Variants in GAS5 observed in about 807,000 individuals in gnomAD.
GAS5 encodes growth arrest specific 5.
chr1:173,867,780 C>CT (rs769940377), upstream of GAS5: 9 of 519,054 alleles, frequency 1.7e-5, no homozygotes, highest in African/African-American at 5.8e-5. Context: ...CAGTTCTACT[C>CT]TAACATAGTC....
At chr1:173,868,101 C>T (rs1260611001), upstream of GAS5, 1 of 167,540 alleles carries the variant, frequency 6.0e-6, no homozygotes, top group Admixed American at 6.1e-5. Context: ...CAATCTTCCT[C>T]TCATCCAGTA....
intron 6 of GAS5, chr1:173,865,344 C>CA (rs1372606502): frequency 1.8e-5 from 9 of 503,682 alleles, no homozygotes; most frequent in Non-Finnish European, 3.6e-5. Flanking sequence ...AAAGATTTCC[C>CA]AACTACTGTT....
intron 3 of GAS5, chr1:173,866,221 C>T (rs1654587126): frequency 2.1e-6 from 1 of 483,324 alleles, no homozygotes; most frequent in African/African-American, 2.0e-5. Flanking sequence ...AATTTTAATA[C>T]AAAATTGTCA....
At chr1:173,864,069 C>T (rs1157777642) in intron 7 of GAS5, 1 of 458,222 alleles carries the variant, frequency 2.2e-6, no homozygotes, top group East Asian at 6.1e-5. Context: ...TTGGGTGAGG[C>T]AAGACCCTGT....
intron 6 of GAS5, chr1:173,864,846 C>G (rs546444343): frequency 1.9e-6 from 1 of 519,128 alleles, no homozygotes; most frequent in African/African-American, 1.9e-5. Flanking sequence ...CAGATAGGAG[C>G]GAAAGACTTA....
exon 6 of GAS5, chr1:173,865,520 C>G (rs1414746126): frequency 2.0e-6 from 1 of 511,418 alleles, no homozygotes; most frequent in Non-Finnish European, 3.9e-6. Context: ...CCAAGCAAGT[C>G]ATCCATGGAT....
chr1:173,866,830 G>T (rs868483738), intron 1 of GAS5: 1 of 765,446 alleles, frequency 1.3e-6, no homozygotes, highest in South Asian at 1.3e-5. Flanking sequence ...AAAACAGTGA[G>T]AATGAACCTC....
chr1:173,867,464 G>A (rs1951625), upstream of GAS5: 95,665 of 358,260 alleles, frequency 0.27, 14,607 homozygotes, highest in African/African-American at 0.5. Flanking sequence ...ATTAACCGAT[G>A]TCGAGCCACT....
At chr1:173,867,808 T>A (rs1438531533), upstream of GAS5, 5 of 517,698 alleles carry the variant, frequency 9.7e-6, no homozygotes, top group Non-Finnish European at 1.9e-5. Context: ...AGGTCACGCA[T>A]GCACCATATG....
At chr1:173,866,008 A>G (rs753212754) in intron 4 of GAS5, 9 of 519,080 alleles carry the variant, frequency 1.7e-5, no homozygotes, top group Non-Finnish European at 3.5e-5. Context: ...TTCAGTCAGC[A>G]TTTGCTTATC....
chr1:173,864,767 T>C, intron 6 of GAS5: 1 of 515,524 alleles, frequency 1.9e-6, no homozygotes. Context: ...ATCCAAAATC[T>C]CCAAACATTA....
chr1:173,864,009 G>T (rs1654169658), intron 7 of GAS5: 1 of 349,456 alleles, frequency 2.9e-6, no homozygotes, highest in African/African-American at 2.1e-5. Flanking sequence ...GATCACTTGA[G>T]CCCAGAAGTT....
intron 5 of GAS5, chr1:173,865,839 G>A: frequency 2.0e-6 from 1 of 512,364 alleles, no homozygotes; most frequent in Non-Finnish European, 3.9e-6. Context: ...TCTATCTACT[G>A]TTTTCATTAA....
intron 6 of GAS5, chr1:173,864,611 T>TA: frequency 2.1e-5 from 8 of 377,948 alleles, no homozygotes; most frequent in South Asian, 1.6e-4. Context: ...ATCTACAGAT[T>TA]AAGGTGTATA....
At chr1:173,866,740 G>T in intron 2 of GAS5, 1 of 765,440 alleles carries the variant, frequency 1.3e-6, no homozygotes, top group Non-Finnish European at 2.4e-6. Flanking sequence ...AAACCTTTTT[G>T]AGAGGGAATT....
At chr1:173,866,842 C>T (rs768250760) in intron 1 of GAS5, 1 of 765,384 alleles carries the variant, frequency 1.3e-6, no homozygotes, top group Non-Finnish European at 2.4e-6. Flanking sequence ...ATGAACCTCA[C>T]AGCAGTCACG....
At chr1:173,866,251 T>A in intron 3 of GAS5, 1 of 490,668 alleles carries the variant, frequency 2.0e-6, no homozygotes. Context: ...ATTTTAATGG[T>A]AGATTGGTGG....
At chr1:173,864,696 TTC>T in intron 6 of GAS5, 2 of 431,918 alleles carry the variant, frequency 4.6e-6, no homozygotes, top group South Asian at 3.3e-5. Context: ...CAATCATGAA[TTC>T]TGAGTCCTGA....
upstream of GAS5, chr1:173,868,650 C>G (rs1016660653): frequency 6.6e-6 from 1 of 152,510 alleles, no homozygotes; most frequent in Non-Finnish European, 1.5e-5. Context: ...CCTCCCCCAC[C>G]GCAGCCGGGA....
Sources: allele counts gnomAD v4.1 joint callset, GRCh38; gene constraint gnomAD v4.1.1; transcripts MANE v1.5; gene names NCBI Gene and HGNC (gene_info 2026-07-23, HGNC 2026-07-21).